The following DCBLD1 variants were observed in gnomAD, a reference collection of about 807,000 sequenced individuals.
DCBLD1 encodes the protein discoidin, CUB and LCCL domain-containing protein 1.
In DCBLD1, 57 loss-of-function variants were observed where a neutral mutation model predicts 71.5. The ratio of observed to expected loss-of-function variants is 0.80; its 90% confidence interval spans 0.64 to 0.99. The LOEUF (loss-of-function observed/expected upper bound fraction) is 0.99, where lower values mean the gene tolerates loss of function less well. DCBLD1 is among the 50% of genes least tolerant of loss of function. DCBLD1 has a pLI of 0.00. For synonymous variants in DCBLD1, 380 were observed against 363.8 expected, an observed-to-expected ratio of 1.04 and a Z score of -0.51; for missense variants, 891 against 923.5, an observed-to-expected ratio of 0.96 and a Z score of 0.46.
intron 2 of DCBLD1, among the ~76,000 whole-genome samples, chr6:117,517,922 C>T (rs2114480197): frequency 6.6e-6 from 1 of 152,274 alleles, no homozygotes. Context: ...TCTGACATGC[C>T]CTGGAGACAT....
Position 117,482,809 on chromosome 6 carries a change from G to T in DCBLD1, c.28G>T (p.Ala10Ser). The T allele has an allele frequency of 8.6e-7, 1 of 1,157,766 alleles. No homozygotes were observed. The highest frequency in any genetic ancestry group is 1.6e-5 in the African/African-American group (1 of 61,566). The allele number at this position is 1,157,766 out of a possible 1,614,324, so 71.7% of individuals were successfully genotyped here. A position where few individuals can be genotyped will look rare whatever the true frequency, so the allele number is the denominator to read the frequency against. MVPGARGGGALARAAGRGLL... is the reference protein window; with the variant it reads MVPGARGGGSLARAAGRGLL... ...GGTGCCCGGCGCCCGCGGCGGCGGC[G>T]CACTGGCGCGGGCTGCCGGGCGGGG... Residue 10 changes from alanine to serine, a missense_variant, in exon 1 of 15, where the codon GCA (alanine) becomes TCA (serine). Physicochemically the swap from Ala to Ser is moderately conservative, Grantham distance 99. Transcript: ENST00000338728.
At chr6:117,493,419 C>A (rs1283635504) in intron 1 of DCBLD1, among the ~76,000 whole-genome samples, 1 of 152,130 alleles carries the variant, frequency 6.6e-6, no homozygotes, top group African/African-American at 2.4e-5. Context: ...ATAGGCACCT[C>A]TCATTAGACC....
chr6:117,485,900 G>A (rs200553792), intron 1 of DCBLD1, among the ~76,000 whole-genome samples: 2 of 152,164 alleles, frequency 1.3e-5, no homozygotes, highest in East Asian at 3.8e-4. Context: ...CATGCCAGCA[G>A]AACAATATGT....
chr6:117,540,561 G>A (rs1021925357), intron 9 of DCBLD1, 107 bp from the exon 10 acceptor site: 21 of 1,398,282 alleles, frequency 1.5e-5, no homozygotes, highest in South Asian at 5.4e-5. Context: ...AAATGCAACC[G>A]ACATAGAATC....
intron 5 of DCBLD1, among the ~76,000 whole-genome samples, chr6:117,526,713 G>A (rs1778556441): frequency 6.6e-6 from 1 of 152,110 alleles, no homozygotes; most frequent in Non-Finnish European, 1.5e-5. Flanking sequence ...GAAATTTTGT[G>A]TTTTGAAAGC....
chr6:117,539,248 T>A lies in DCBLD1; in HGVS notation c.977-7T>A. On this transcript the variant is annotated splice_polypyrimidine_tract_variant and splice_region_variant and intron_variant, in intron 8 of 14. Transcript: ENST00000338728. ...AAAATAGCCTGTAAATATTATTTTC[T>A]TACAAGGAATTAGGACCACAGGATC... 1 of 1,533,724 alleles carries A rather than the reference T, an allele frequency of 6.5e-7. No individual in the cohort carries two copies. The highest frequency in any genetic ancestry group is 8.7e-7 in the Non-Finnish European group (1 of 1,145,794).
At chr6:117,559,866 A>C (rs973492850) in intron 14 of DCBLD1, among the ~76,000 whole-genome samples, 2 of 152,236 alleles carry the variant, frequency 1.3e-5, no homozygotes, top group African/African-American at 4.8e-5. Context: ...CTTCTTTTCA[A>C]ATCACTTGGT....
chr6:117,515,224 T>C (rs1018962307), intron 2 of DCBLD1, among the ~76,000 whole-genome samples: 2 of 152,114 alleles, frequency 1.3e-5, no homozygotes, highest in African/African-American at 4.8e-5. Context: ...GGTTTCACCA[T>C]GTTGACCAGG....
intron 1 of DCBLD1, among the ~76,000 whole-genome samples, chr6:117,493,270 C>T (rs1777357187): frequency 6.6e-6 from 1 of 152,120 alleles, no homozygotes; most frequent in African/African-American, 2.4e-5. Context: ...AATTTCCAGG[C>T]CCTGCATTTT....
At chr6:117,563,149 G>A in intron 14 of DCBLD1, 2 of 1,033,760 alleles carry the variant, frequency 1.9e-6, no homozygotes, top group Non-Finnish European at 2.9e-6. Flanking sequence ...TTTCATTTAG[G>A]CAACAAACAG....
At chr6:117,539,963 T>G (rs1320773186) in intron 9 of DCBLD1, 1 of 152,460 alleles carries the variant, frequency 6.6e-6, no homozygotes, top group Admixed American at 6.6e-5. Flanking sequence ...CCCAGCTACT[T>G]GGGAGGCTGA....
intron 2 of DCBLD1, among the ~76,000 whole-genome samples, chr6:117,514,915 T>C (rs1396042896): frequency 6.6e-6 from 1 of 152,096 alleles, no homozygotes; most frequent in Non-Finnish European, 1.5e-5. Context: ...ATATGTATAC[T>C]TTTTGCAACT....
At chr6:117,485,548 A>G (rs1464340082) in intron 1 of DCBLD1, among the ~76,000 whole-genome samples, 1 of 152,144 alleles carries the variant, frequency 6.6e-6, no homozygotes, top group South Asian at 2.1e-4. Flanking sequence ...CAGTGTGTGC[A>G]CTCACCCTTC....
intron 14 of DCBLD1, among the ~76,000 whole-genome samples, chr6:117,558,789 G>A (rs1374654027): frequency 6.6e-6 from 1 of 152,124 alleles, no homozygotes; most frequent in Non-Finnish European, 1.5e-5. Flanking sequence ...GTCAGTGTAG[G>A]TACCCTCTGC....
At chr6:117,551,752 T>C (rs1232908518), downstream of DCBLD1, among the ~76,000 whole-genome samples, 7 of 152,298 alleles carry the variant, frequency 4.6e-5, no homozygotes, top group Admixed American at 3.3e-4. Context: ...TTCCTAGGAA[T>C]TCATAATAGA....
At chr6:117,491,581 C>T (rs1777295590) in intron 1 of DCBLD1, among the ~76,000 whole-genome samples, 2 of 152,138 alleles carry the variant, frequency 1.3e-5, no homozygotes, top group East Asian at 3.9e-4. Context: ...TATGAGCACA[C>T]CTAAGAAAAC....
At chr6:117,518,473 A>G (rs1202725565) in intron 2 of DCBLD1, among the ~76,000 whole-genome samples, 1 of 152,172 alleles carries the variant, frequency 6.6e-6, no homozygotes, top group Non-Finnish European at 1.5e-5. Context: ...ATCTTCGGGT[A>G]TCTTTTCAGC....
chr6:117,504,345 G>T lies in DCBLD1; in HGVS notation c.325+366G>T, dbSNP rs778427605. Among the ~76,000 whole-genome samples the T allele has an allele frequency of 3.9e-5, 6 of 152,340 alleles. No homozygotes were observed. The South Asian group carries it at 1.0e-3, about 26-fold the overall frequency. Reference sequence around the variant, plus strand: ...CAGGTACTCTGTCAGGAACTGGGATGTAACAGTGAAAAAACAAAGTTCCTC... The same window carrying T: ...CAGGTACTCTGTCAGGAACTGGGATTTAACAGTGAAAAAACAAAGTTCCTC... On this transcript the variant is annotated intron_variant, in intron 2 of 14. Transcript: ENST00000338728.
rs1035839839 is a variant in DCBLD1, at chr6:117,547,999, G to A, written c.1708G>A (p.Val570Met). 2.1e-5 allele frequency: 32 copies of A among 1,550,414 alleles called. No individual in the cohort carries two copies. The African/African-American group carries it at 4.2e-4, about 21-fold the overall frequency. Residue 570 changes from valine to methionine, a missense_variant, in exon 15 of 15, where the codon GTG becomes ATG. By Grantham distance (21) the Val-to-Met change is conservative. Transcript: ENST00000338728. Reference sequence around the variant, plus strand: ...GGACACGGATGCCGAGGAGGCAGGGGTGAGCACCGATGCCGGCGGCCACTA... The same window carrying A: ...GGACACGGATGCCGAGGAGGCAGGGATGAGCACCGATGCCGGCGGCCACTA... ...PMDTDAEEAGVSTDAGGHYDC... is the reference protein window; with the variant it reads ...PMDTDAEEAGMSTDAGGHYDC...
Sources: gnomAD v4.1 joint callset for allele counts (sites outside exome capture counted in the v4.1 genomes callset) on GRCh38, gnomAD v4.1.1 for gene constraint, MANE v1.5 for transcripts, NCBI Gene and HGNC (gene_info 2026-07-23, HGNC 2026-07-21) for gene names.